DPP10: variants seen among roughly 807,000 people sequenced by gnomAD.
DPP10 encodes dipeptidyl peptidase like 10.
A neutral mutation model predicts 120.9 loss-of-function variants in DPP10; 33 were observed. The observed-to-expected ratio is 0.27, with a 90% confidence interval of 0.21 to 0.37. The LOEUF (loss-of-function observed/expected upper bound fraction) is 0.37, where lower values mean the gene tolerates loss of function less well. DPP10 is among the 10% of genes least tolerant of loss of function. The pLI, the probability that DPP10 is intolerant of heterozygous loss-of-function variation, is 1.00. For missense variants in DPP10, 816 were observed against 942.8 expected (o/e 0.87, Z 1.76); for synonymous variants, 337 against 326.1 (o/e 1.03, Z -0.36).
At chr2:115,676,143 C>T (rs749952456) in intron 5 of DPP10, among the ~76,000 whole-genome samples, 22 of 152,154 alleles carry the variant, frequency 1.4e-4, no homozygotes, top group Non-Finnish European at 5.9e-5. Flanking sequence ...AGCAGAGATG[C>T]CATGAACTTG....
intron 1 of DPP10, chr2:115,064,722 T>G: frequency 2.3e-6 from 3 of 1,302,986 alleles, no homozygotes; most frequent in Non-Finnish European, 3.0e-6. Context: ...GAGGGTGAGG[T>G]TGCATTTGTA....
chr2:114,634,934 G>A (rs1224037786), intron 1 of DPP10, among the ~76,000 whole-genome samples: 1 of 151,812 alleles, frequency 6.6e-6, no homozygotes, highest in Non-Finnish European at 1.5e-5. Context: ...ACAAGCCTGG[G>A]TTTGATAATT....
intron 1 of DPP10, among the ~76,000 whole-genome samples, chr2:114,593,337 C>T (rs1691619507): frequency 6.6e-6 from 1 of 152,112 alleles, no homozygotes; most frequent in Non-Finnish European, 1.5e-5. Flanking sequence ...AGGGAAGGAG[C>T]CTTGACCAGC....
intron 3 of DPP10, among the ~76,000 whole-genome samples, chr2:115,475,627 G>T (rs560612736): frequency 1.3e-5 from 2 of 152,284 alleles, no homozygotes; most frequent in East Asian, 3.9e-4. Flanking sequence ...TCCACCAGTA[G>T]CTTTCACATT....
chr2:115,764,507 A>G (rs1220438058), intron 12 of DPP10, among the ~76,000 whole-genome samples: 1 of 152,116 alleles, frequency 6.6e-6, no homozygotes, highest in African/African-American at 2.4e-5. Context: ...TGGACAATAT[A>G]TAACACATAA....
rs529610045 is a variant in DPP10 at position 114,816,155 on chromosome 2, C to T, written c.60+373317C>T. Among the ~76,000 whole-genome samples the T allele has an allele frequency of 5.3e-5, 8 of 152,314 alleles. No individual in the cohort carries two copies. In the South Asian group the frequency reaches 1.4e-3, roughly 28 times the overall value. ...TCCAGCTGACACTGTGCGCCAGTCA[C>T]GTTGGCCTCTAAACATGTTCCTCCC... On this transcript the variant is annotated intron_variant, in intron 1 of 25. Transcript: ENST00000410059.
intron 1 of DPP10, among the ~76,000 whole-genome samples, chr2:114,936,701 C>T (rs1037917617): frequency 6.6e-6 from 1 of 152,108 alleles, no homozygotes; most frequent in Non-Finnish European, 1.5e-5. Flanking sequence ...ATTCACTATA[C>T]ACTATTACAG....
chr2:115,754,825 T>C (rs1424224607), intron 11 of DPP10, among the ~76,000 whole-genome samples: 1 of 152,176 alleles, frequency 6.6e-6, no homozygotes, highest in Non-Finnish European at 1.5e-5. Flanking sequence ...TTAGAAATGA[T>C]AAATGTTGGA....
intron 1 of DPP10, among the ~76,000 whole-genome samples, chr2:114,761,193 C>T (rs1680250878): frequency 1.3e-5 from 2 of 152,134 alleles, no homozygotes; most frequent in African/African-American, 2.4e-5. Context: ...TACAGTATTC[C>T]AATGAGTGCT....
At chr2:115,725,745 T>G (rs2092751813) in intron 7 of DPP10, among the ~76,000 whole-genome samples, 1 of 152,210 alleles carries the variant, frequency 6.6e-6, no homozygotes, top group South Asian at 2.1e-4. Flanking sequence ...GTGTGCATGA[T>G]CTGTGCTGTT....
chr2:115,688,453 A>G (rs1002328836), intron 5 of DPP10, among the ~76,000 whole-genome samples: 10 of 152,208 alleles, frequency 6.6e-5, no homozygotes, highest in African/African-American at 1.9e-4. Flanking sequence ...TATTTGTGCA[A>G]TGTACATCCA....
At chr2:115,316,736 T>C (rs552799605) in intron 2 of DPP10, among the ~76,000 whole-genome samples, 1 of 152,262 alleles carries the variant, frequency 6.6e-6, no homozygotes, top group African/African-American at 2.4e-5. Flanking sequence ...TAATAGAAAT[T>C]TGATTTAGAA....
chr2:115,137,465 G>A (rs1045861255), intron 1 of DPP10, among the ~76,000 whole-genome samples: 16 of 152,202 alleles, frequency 1.1e-4, no homozygotes, highest in Non-Finnish European at 2.1e-4. Context: ...TATCCACCCT[G>A]CAGAGGATAG....
intron 1 of DPP10, among the ~76,000 whole-genome samples, chr2:114,579,763 T>C (rs1418044901): frequency 6.6e-6 from 1 of 152,170 alleles, no homozygotes; most frequent in African/African-American, 2.4e-5. Flanking sequence ...TGATAAGCCA[T>C]GTTATTTGTT....
intron 1 of DPP10, among the ~76,000 whole-genome samples, chr2:114,761,415 G>C (rs1334360163): frequency 1.3e-5 from 2 of 152,200 alleles, no homozygotes; most frequent in South Asian, 2.1e-4. Flanking sequence ...GAATAGTAGA[G>C]GCACTTTTCT....
chr2:115,654,339 A>G (rs2088089404), intron 5 of DPP10, among the ~76,000 whole-genome samples: 1 of 151,952 alleles, frequency 6.6e-6, no homozygotes, highest in African/African-American at 2.4e-5. Context: ...AACCTTATTA[A>G]AATTCCATTA....
At chr2:115,384,824 G>C (rs923346872) in intron 3 of DPP10, among the ~76,000 whole-genome samples, 39 of 152,164 alleles carry the variant, frequency 2.6e-4, no homozygotes, top group African/African-American at 9.4e-4. Flanking sequence ...GGTATGGTTT[G>C]GCTCTTTTCT....
intron 1 of DPP10, among the ~76,000 whole-genome samples, chr2:115,147,239 A>G (rs1288767427): frequency 6.6e-6 from 1 of 151,676 alleles, no homozygotes; most frequent in Non-Finnish European, 1.5e-5. Context: ...TACTACATAT[A>G]TAGTATATTT....
intron 1 of DPP10, among the ~76,000 whole-genome samples, chr2:114,457,698 C>A (rs1027212642): frequency 6.6e-6 from 1 of 152,106 alleles, no homozygotes; most frequent in African/African-American, 2.4e-5. Context: ...ACATTCTATA[C>A]CCTGTCTCTT....
Sources: allele counts gnomAD v4.1 joint callset (sites outside exome capture counted in the v4.1 genomes callset), GRCh38; gene constraint gnomAD v4.1.1; transcripts MANE v1.5; gene names NCBI Gene and HGNC (gene_info 2026-07-23, HGNC 2026-07-21).